Variants in KCNK1 observed in about 807,000 individuals in gnomAD.
The protein encoded by KCNK1 is potassium channel subfamily K member 1.
In KCNK1, 10 loss-of-function variants were observed where a neutral mutation model predicts 22.2. That is an observed-to-expected ratio of 0.45 (90% CI 0.28 to 0.76). The LOEUF is 0.76. Among genes scored for constraint, KCNK1 ranks in the 30% least tolerant of loss-of-function variants. The pLI, the probability that KCNK1 is intolerant of heterozygous loss-of-function variation, is 0.14. For missense variants in KCNK1, 378 were observed against 421.0 expected (o/e 0.90, Z 0.89); for synonymous variants, 200 against 186.4 (o/e 1.07, Z -0.60).
chr1:233,641,233 C>T lies in KCNK1; in HGVS notation c.356-25362C>T, dbSNP rs1657994890. 3.3e-5 allele frequency among the ~76,000 whole-genome samples: 5 copies of T among 152,176 alleles called. No homozygotes were observed. In the South Asian group the frequency reaches 1.0e-3, roughly 32 times the overall value. On this transcript the variant is annotated intron_variant, in intron 1 of 2. Transcript: ENST00000366621. Reference sequence around the variant, plus strand: ...TTCTGCCTGTCGGAGGGCTGAGTCACAATGAAGAATCTTCAGCCAGAGCAC... The same window carrying T: ...TTCTGCCTGTCGGAGGGCTGAGTCATAATGAAGAATCTTCAGCCAGAGCAC...
intron 1 of KCNK1, among the ~76,000 whole-genome samples, chr1:233,656,322 G>A (rs965520718): frequency 1.3e-5 from 2 of 152,232 alleles, no homozygotes; most frequent in African/African-American, 4.8e-5. Context: ...ATTGGCACCA[G>A]TAAGGTTTTG....
At chr1:233,667,696 C>G (rs1448147039) in intron 2 of KCNK1, among the ~76,000 whole-genome samples, 1 of 139,496 alleles carries the variant, frequency 7.2e-6, no homozygotes, top group Admixed American at 7.6e-5. Context: ...CGCCACTGCA[C>G]TCCAGCCTGG....
At chr1:233,645,588 C>T (rs10910235) in intron 1 of KCNK1, among the ~76,000 whole-genome samples, 53,648 of 152,030 alleles carry the variant, frequency 0.35, 10,385 homozygotes, top group African/African-American at 0.52. Flanking sequence ...GGGACTGCTT[C>T]GAGGCACTGC....
At chr1:233,671,229 A>G in intron 2 of KCNK1, 42 bp from the exon 3 acceptor site, 1 of 1,596,636 alleles carries the variant, frequency 6.3e-7, no homozygotes, top group East Asian at 2.2e-5. Flanking sequence ...TGATTTATCC[A>G]TGTTGAGATC....
chr1:233,628,269 G>C (rs1402674137), intron 1 of KCNK1, among the ~76,000 whole-genome samples: 1 of 152,156 alleles, frequency 6.6e-6, no homozygotes, highest in African/African-American at 2.4e-5. Context: ...CTCGAAGATG[G>C]AAACAGTAGG....
rs746522803 is a variant in KCNK1, at chr1:233,614,445, G to A, written c.274G>A (p.Val92Met). ...GGAGGCCAGCAACTACGGCGTGTCG[G>A]TGCTCAGCAACGCCTCGGGCAACTG... ...VLEASNYGVSVLSNASGNWNW... is the reference protein window; with the variant it reads ...VLEASNYGVSMLSNASGNWNW... The change falls in exon 1 of 3, where the codon GTG becomes ATG. Residue 92 changes from valine to methionine, a missense_variant. Transcript: ENST00000366621. The A allele has an allele frequency of 2.5e-6, 4 of 1,613,404 alleles. No homozygotes were observed. The highest frequency in any genetic ancestry group is 1.6e-4 in the Middle Eastern group (1 of 6,062).
intron 1 of KCNK1, among the ~76,000 whole-genome samples, chr1:233,633,731 G>A (rs1657846103): frequency 2.6e-5 from 4 of 152,036 alleles, no homozygotes; most frequent in Admixed American, 2.6e-4. Flanking sequence ...GATAGTTTTT[G>A]GTTGTTGTTT....
chr1:233,650,469 T>C lies in KCNK1; in HGVS notation c.356-16126T>C, dbSNP rs1658180974. Among the ~76,000 whole-genome samples the C allele has an allele frequency of 3.3e-5, 5 of 152,204 alleles. No individual in the cohort carries two copies. The South Asian group carries it at 1.0e-3, about 32-fold the overall frequency. On this transcript the variant is annotated intron_variant, in intron 1 of 2. Coordinates refer to ENST00000366621, the MANE Select transcript of KCNK1 (RefSeq NM_002245.4). ...GAGCATATAGTTCATTTGTAACTAG[T>C]ATAGCTAGGAAGAGTGTGGCCAATA... is the stretch of plus-strand genomic sequence containing the variant.
rs1380845913 is a variant in KCNK1, at chr1:233,614,509, C to G, written c.338C>G (p.Thr113Ser). 35 of 1,600,180 alleles carry G rather than the reference C, an allele frequency of 2.2e-5. No individual in the cohort carries two copies. The highest frequency in any genetic ancestry group is 2.9e-5 in the Non-Finnish European group (34 of 1,173,070). Residue 113 changes from threonine (T) to serine (S), a missense_variant, in exon 1 of 3, where the codon ACC (threonine) becomes AGC (serine). Thr to Ser is a moderately conservative substitution (Grantham distance 58). Coordinates refer to ENST00000366621, the MANE Select transcript of KCNK1 (RefSeq NM_002245.4). ...ACCTCCGCGCTCTTCTTCGCCAGCA[C>G]CGTGCTCTCCACCACAGGTAGGGTA... ...DFTSALFFASTVLSTTGYGHT... is the reference protein window; with the variant it reads ...DFTSALFFASSVLSTTGYGHT...
Position 233,672,249 on chromosome 1 carries a change from TG to T in KCNK1, c.*720del, listed in dbSNP as rs1364367474. 1 of 152,564 alleles carries T rather than the reference TG, an allele frequency of 6.6e-6. No homozygotes were observed. The highest frequency in any genetic ancestry group is 1.5e-5 in the Non-Finnish European group (1 of 68,022). 9.5% of individuals were successfully genotyped at this position (152,564 alleles called of 1,614,324 possible). A position where few individuals can be genotyped will look rare whatever the true frequency, so the allele number is the denominator to read the frequency against. ...AGAGTGAATAACCATAGTATTCTGC[TG>T]CAATAAATGTTTCTACCCTCTTGCG... On this transcript the variant is annotated 3_prime_UTR_variant, in exon 3 of 3. Transcript: ENST00000366621.
intron 1 of KCNK1, among the ~76,000 whole-genome samples, chr1:233,660,050 C>T (rs554709005): frequency 6.6e-6 from 1 of 152,296 alleles, no homozygotes; most frequent in South Asian, 2.1e-4. Context: ...CTAACAGTAA[C>T]CTCTGGAGAG....
intron 1 of KCNK1, among the ~76,000 whole-genome samples, chr1:233,638,902 G>A (rs1657957695): frequency 6.6e-6 from 1 of 152,224 alleles, no homozygotes; most frequent in East Asian, 1.9e-4. Context: ...GGAAGTGGCA[G>A]TTACATGTTT....
rs771895326 is a variant in KCNK1, at chr1:233,614,163, G to T, written c.-9G>T. 2.4e-6 allele frequency: 3 copies of T among 1,227,628 alleles called. No individual in the cohort carries two copies. Among genetic ancestry groups the T allele is most frequent in the Non-Finnish European group, 3.3e-6 (3 of 913,816 alleles). 76.0% of individuals were successfully genotyped at this position (1,227,628 alleles called of 1,614,324 possible). On this transcript the variant is annotated 5_prime_UTR_variant, in exon 1 of 3. Transcript: ENST00000366621. Reference sequence around the variant, plus strand: ...TGCGGCGTTGGCCTTGGCGGCGGCGGTGGAGAAGATGCTGCAGTCCCTGGC... The same window carrying T: ...TGCGGCGTTGGCCTTGGCGGCGGCGTTGGAGAAGATGCTGCAGTCCCTGGC...
Position 233,671,383 on chromosome 1 carries a change from G to A in KCNK1, c.864G>A (p.Glu288=). The A allele has an allele frequency of 1.9e-6, 3 of 1,614,182 alleles. No homozygotes were observed. The highest frequency in any genetic ancestry group is 2.5e-6 in the Non-Finnish European group (3 of 1,180,040). Residue 288 remains glutamate, a synonymous_variant, in exon 3 of 3, where the codon GAG becomes GAA. Transcript: ENST00000366621. ...KMFYVKKDKD[E]DQVHIIEHDQ... is the part of the protein sequence containing the mutation. The stretch of plus-strand genomic sequence containing the variant: ...TCTATGTGAAGAAGGACAAGGACGA[G>A]GATCAGGTGCACATCATAGAGCATG...
At chr1:233,642,929 C>A (rs1369454335) in intron 1 of KCNK1, among the ~76,000 whole-genome samples, 3 of 144,626 alleles carry the variant, frequency 2.1e-5, no homozygotes, top group South Asian at 2.2e-4. Context: ...CCACCGCACC[C>A]GGCTAATTTT....
At chr1:233,628,191 A>G (rs1298614767) in intron 1 of KCNK1, among the ~76,000 whole-genome samples, 1 of 152,122 alleles carries the variant, frequency 6.6e-6, no homozygotes, top group Non-Finnish European at 1.5e-5. Context: ...TGGCTTGGGG[A>G]ATGGAGCTGG....
chr1:233,638,975 A>C (rs1445964885), intron 1 of KCNK1, among the ~76,000 whole-genome samples: 2 of 152,260 alleles, frequency 1.3e-5, no homozygotes, highest in African/African-American at 4.8e-5. Flanking sequence ...AAATTAAAAA[A>C]TAAGCCTAGG....
intron 1 of KCNK1, among the ~76,000 whole-genome samples, chr1:233,635,835 A>G (rs531616564): frequency 5.9e-5 from 9 of 152,256 alleles, no homozygotes; most frequent in Non-Finnish European, 1.3e-4. Flanking sequence ...AAAATATTTT[A>G]CATAAAATAA....
intron 1 of KCNK1, among the ~76,000 whole-genome samples, chr1:233,665,999 G>A (rs1026121825): frequency 2.6e-5 from 4 of 152,190 alleles, no homozygotes; most frequent in African/African-American, 9.6e-5. Flanking sequence ...GACATGGCAT[G>A]CTTTAATCTT....
Sources: gnomAD v4.1 joint callset for allele counts (sites outside exome capture counted in the v4.1 genomes callset) on GRCh38, gnomAD v4.1.1 for gene constraint, MANE v1.5 for transcripts, NCBI Gene and HGNC (gene_info 2026-07-23, HGNC 2026-07-21) for gene names.